The following CALB1 variants were observed in gnomAD, a reference collection of about 807,000 sequenced individuals.
CALB1 encodes calbindin.
A neutral mutation model predicts 46.7 loss-of-function variants in CALB1; 16 were observed. The observed-to-expected ratio is 0.34, with a 90% CI of 0.23 to 0.52. The LOEUF is 0.52. Among genes scored for constraint, CALB1 ranks in the 20% least tolerant of loss-of-function variants. The pLI is 0.95. For synonymous variants in CALB1, 90 were observed against 112.8 expected (o/e 0.80, Z 1.28); for missense variants, 224 against 300.3 (o/e 0.75, Z 1.88).
At chr8:90,071,398 C>G (rs555569017) in intron 3 of CALB1, among the ~76,000 whole-genome samples, 1 of 151,932 alleles carries the variant, frequency 6.6e-6, no homozygotes. Context: ...GGTCTCCCCC[C>G]AGAGCTAAGG....
chr8:90,063,433 C>T lies in CALB1; in HGVS notation c.479G>A (p.Gly160Glu). The T allele has an allele frequency of 6.2e-7, 1 of 1,610,932 alleles. No individual in the cohort carries two copies. The highest frequency in any genetic ancestry group is 1.1e-5 in the South Asian group (1 of 90,876). ...MLKLFDSNND[G>E]KLELTEMARL... is the part of the protein sequence containing the mutation. ...GGCCATCTCAGTTAATTCCAGCTTC[C>T]CATCATTATTTGAATCAAATAGTTT... The change falls in exon 7 of 11, where the codon GGG (glycine) becomes GAG (glutamate). Residue 160 changes from glycine to glutamate, a missense_variant. Coordinates refer to ENST00000265431, the MANE Select transcript of CALB1 (RefSeq NM_004929.4).
intron 3 of CALB1, among the ~76,000 whole-genome samples, chr8:90,072,381 A>G (rs919485402): frequency 6.6e-6 from 1 of 152,214 alleles, no homozygotes; most frequent in African/African-American, 2.4e-5. Flanking sequence ...TTATACTTAA[A>G]TTATTAAAAA....
rs1814390219 is a variant in CALB1 at position 90,066,031 on chromosome 8, C to A, written c.373-56G>T. The stretch of plus-strand genomic sequence containing the variant: ...TCATTAATAATATATCGTCTACTTT[C>A]ATTTCAGAATGCCTTGGAACAGGAC... On this transcript the variant is annotated intron_variant, in intron 5 of 10. Coordinates refer to ENST00000265431, the MANE Select transcript of CALB1 (RefSeq NM_004929.4). 6.9e-6 allele frequency: 8 copies of A among 1,164,654 alleles called. No individual in the cohort carries two copies. In the East Asian group the frequency reaches 2.0e-4, roughly 28 times the overall value. The allele number at this position is 1,164,654 out of a possible 1,614,324, so 72.1% of individuals were successfully genotyped here.
chr8:90,082,155 T>C (rs1814744721), intron 1 of CALB1, 53 bp from the exon 2 acceptor site: 2 of 1,463,684 alleles, frequency 1.4e-6, no homozygotes, highest in Non-Finnish European at 1.9e-6. Flanking sequence ...CAAGTGTCTT[T>C]CCCGTTCACT....
intron 5 of CALB1, among the ~76,000 whole-genome samples, chr8:90,066,239 G>A (rs1814394392): frequency 6.6e-6 from 1 of 152,056 alleles, no homozygotes; most frequent in Middle Eastern, 3.4e-3. Context: ...GCATTACCAT[G>A]ACTTTATGAT....
At chr8:90,079,317 T>C (rs1814682480) in intron 2 of CALB1, among the ~76,000 whole-genome samples, 1 of 152,008 alleles carries the variant, frequency 6.6e-6, no homozygotes, top group Admixed American at 6.6e-5. Flanking sequence ...TTATTACTAG[T>C]ATTTATAAAA....
At chr8:90,073,266 T>A (rs767774845) in intron 3 of CALB1, among the ~76,000 whole-genome samples, 35 of 152,140 alleles carry the variant, frequency 2.3e-4, no homozygotes, top group Non-Finnish European at 4.3e-4. Flanking sequence ...TGTGATATGC[T>A]ACCCAGAACT....
At chr8:90,074,527 T>C (rs572563267) in intron 3 of CALB1, among the ~76,000 whole-genome samples, 4 of 151,240 alleles carry the variant, frequency 2.6e-5, no homozygotes, top group African/African-American at 4.8e-5. Context: ...ATAAATCACT[T>C]AGAAAGATCT....
At chr8:90,075,052 T>C (rs1040325505) in intron 3 of CALB1, among the ~76,000 whole-genome samples, 1 of 152,186 alleles carries the variant, frequency 6.6e-6, no homozygotes, top group African/African-American at 2.4e-5. Context: ...ATTTCGATGC[T>C]CCTGTCTTGA....
chr8:90,077,216 A>T (rs1215335160), intron 3 of CALB1, among the ~76,000 whole-genome samples: 1 of 152,054 alleles, frequency 6.6e-6, no homozygotes, highest in African/African-American at 2.4e-5. Context: ...CTATTTATAT[A>T]GTAATGAGTT....
intron 9 of CALB1, chr8:90,061,335 AG>A (rs372772264): frequency 2.2e-3 from 331 of 152,322 alleles, no homozygotes; most frequent in African/African-American, 7.6e-3. Context: ...GAAAAGAAGG[AG>A]TTATTTGTGT....
chr8:90,078,382 T>G lies in CALB1; in HGVS notation c.222A>C (p.Gly74=). Residue 74 remains glycine, a synonymous_variant, in exon 3 of 11, where the codon GGA becomes GGC. Coordinates refer to ENST00000265431, the MANE Select transcript of CALB1 (RefSeq NM_004929.4). The part of the protein sequence containing the change: ...QYGQRDDGKI[G]IVELAHVLPT... ...TGCATAAATTCCTTACCTCTACAAT[T>G]CCTATTTTTCCATCATCTCTTTGCC... is the stretch of plus-strand genomic sequence containing the variant. The G allele has an allele frequency of 6.3e-7, 1 of 1,579,448 alleles. No individual in the cohort carries two copies. The highest frequency in any genetic ancestry group is 8.7e-7 in the Non-Finnish European group (1 of 1,156,054).
At chr8:90,080,598 G>A (rs1243966253) in intron 2 of CALB1, among the ~76,000 whole-genome samples, 1 of 151,870 alleles carries the variant, frequency 6.6e-6, no homozygotes, top group Non-Finnish European at 1.5e-5. Context: ...TATAAGACAT[G>A]GGGAGGGTGG....
At chr8:90,071,204 C>T (rs962455215) in intron 3 of CALB1, among the ~76,000 whole-genome samples, 20 of 152,130 alleles carry the variant, frequency 1.3e-4, no homozygotes, top group African/African-American at 4.8e-4. Flanking sequence ...GTGATTTTTA[C>T]ACGTGACAAT....
intron 2 of CALB1, among the ~76,000 whole-genome samples, chr8:90,079,329 C>T (rs1300601614): frequency 1.3e-5 from 2 of 151,750 alleles, no homozygotes; most frequent in African/African-American, 4.8e-5. Flanking sequence ...TTTATAAAAG[C>T]CGTTTGGAAC....
intron 2 of CALB1, among the ~76,000 whole-genome samples, chr8:90,081,804 TTCTC>T (rs145856953): frequency 6.1e-5 from 9 of 147,476 alleles, no homozygotes; most frequent in African/African-American, 1.7e-4. Flanking sequence ...TGTCCCTCCC[TTCTC>T]TCTCTCTCTC....
chr8:90,066,060 C>T (rs1814390569), intron 5 of CALB1, 85 bp from the exon 6 acceptor site: 2 of 864,280 alleles, frequency 2.3e-6, no homozygotes, highest in East Asian at 2.6e-5. Context: ...ACAGGACATA[C>T]CAGGAATGCA....
intron 2 of CALB1, among the ~76,000 whole-genome samples, chr8:90,080,783 C>G (rs1814715226): frequency 6.6e-6 from 1 of 151,948 alleles, no homozygotes; most frequent in Admixed American, 6.6e-5. Flanking sequence ...TTAGAGCCCT[C>G]TGGGATTCTT....
In CALB1 at chr8:90,082,875, T is replaced by C; in HGVS notation, c.-178A>G. On this transcript the variant is annotated 5_prime_UTR_variant, in exon 1 of 11. Coordinates refer to ENST00000265431, the MANE Select transcript of CALB1 (RefSeq NM_004929.4). ...AGCTCAGCGTTCCTCCAGAGTTCTC[T>C]CCCTACACCCCGCACCCAGTTCTCA... 1.6e-6 allele frequency: 1 copy of C among 624,694 alleles called. No individual in the cohort carries two copies. Among genetic ancestry groups the C allele is most frequent in the Non-Finnish European group, 2.9e-6 (1 of 342,388 alleles). 38.7% of individuals were successfully genotyped at this position (624,694 alleles called of 1,614,324 possible).
Sources: allele counts gnomAD v4.1 joint callset (sites outside exome capture counted in the v4.1 genomes callset), GRCh38; gene constraint gnomAD v4.1.1; transcripts MANE v1.5; gene names NCBI Gene and HGNC (gene_info 2026-07-23, HGNC 2026-07-21).